CNTNAP2: variants seen among roughly 807,000 people sequenced by gnomAD.
The protein encoded by CNTNAP2 is contactin-associated protein-like 2.
Under a neutral mutation model 155.2 loss-of-function variants are expected in CNTNAP2, and 98 were observed. That is an observed-to-expected ratio of 0.63 (90% CI 0.54 to 0.75). The LOEUF (loss-of-function observed/expected upper bound fraction) is 0.75. CNTNAP2 is among the 30% of genes least tolerant of loss of function. CNTNAP2 has a pLI of 0.00. For missense variants in CNTNAP2, 1,727 were observed against 1,688.1 expected, an observed-to-expected ratio of 1.02 and a Z score of -0.40; for synonymous variants, 651 against 631.2, an observed-to-expected ratio of 1.03 and a Z score of -0.47.
intron 16 of CNTNAP2, among the ~76,000 whole-genome samples, chr7:148,140,060 A>G (rs1805029303): frequency 6.6e-6 from 1 of 152,218 alleles, no homozygotes; most frequent in African/African-American, 2.4e-5. Context: ...CTCATGCTGC[A>G]TTATGGGTGA....
rs1796653775 is a variant in CNTNAP2, at chr7:147,726,985, G to A, written c.2098+87679G>A. On this transcript the variant is annotated intron_variant, in intron 13 of 23. Coordinates refer to ENST00000361727, the MANE Select transcript of CNTNAP2 (RefSeq NM_014141.6). ...TTTGCTGTTTCACTGTTACAGTAAT[G>A]CTAGTGTGTAGACATACATATGCGT... 2.0e-5 allele frequency among the ~76,000 whole-genome samples: 3 copies of A among 150,944 alleles called. No homozygotes were observed. In the South Asian group the frequency reaches 6.3e-4, roughly 32 times the overall value.
At chr7:148,145,421 C>T (rs981116719) in intron 16 of CNTNAP2, among the ~76,000 whole-genome samples, 2 of 152,148 alleles carry the variant, frequency 1.3e-5, no homozygotes, top group East Asian at 3.9e-4. Flanking sequence ...GACCTGGACA[C>T]GAATTCATCA....
chr7:146,137,822 T>G (rs2116750499), intron 1 of CNTNAP2, among the ~76,000 whole-genome samples: 1 of 151,984 alleles, frequency 6.6e-6, no homozygotes, highest in Non-Finnish European at 1.5e-5. Flanking sequence ...TAATTTAAAA[T>G]TATTCTTTTA....
At chr7:146,692,126 C>G (rs1189636393) in intron 1 of CNTNAP2, among the ~76,000 whole-genome samples, 2 of 152,080 alleles carry the variant, frequency 1.3e-5, no homozygotes, top group Non-Finnish European at 1.5e-5. Flanking sequence ...TTTTTCATCT[C>G]TAGTTACTGT....
At chr7:146,557,569 A>C (rs1008242818) in intron 1 of CNTNAP2, among the ~76,000 whole-genome samples, 4 of 152,102 alleles carry the variant, frequency 2.6e-5, no homozygotes, top group Non-Finnish European at 4.4e-5. Flanking sequence ...TAAGTCATAC[A>C]GGTTAGAATT....
chr7:147,376,724 T>C (rs1292352050), intron 9 of CNTNAP2, among the ~76,000 whole-genome samples: 1 of 151,884 alleles, frequency 6.6e-6, no homozygotes, highest in Non-Finnish European at 1.5e-5. Flanking sequence ...TCCTCTATTT[T>C]AGAGGTAAGA....
chr7:146,928,336 C>A (rs1179366932), intron 3 of CNTNAP2, among the ~76,000 whole-genome samples: 2 of 152,090 alleles, frequency 1.3e-5, no homozygotes, highest in African/African-American at 2.4e-5. Context: ...GTGTAATTTT[C>A]TAAGCACTGT....
Position 148,075,929 on chromosome 7 carries a change from G to A in CNTNAP2, c.2384-42189G>A, listed in dbSNP as rs116067871. Among the ~76,000 whole-genome samples the A allele has an allele frequency of 2.0e-3, 302 of 152,224 alleles. 2 individuals carry two copies. Among genetic ancestry groups the A allele is most frequent in the African/African-American group, 6.1e-3 (253 of 41,554 alleles). ...ATTTGGAAGAGTTTGGTGATGAGTC[G>A]AAAGTAGCCTGTATGTCTCTGAATT... On this transcript the variant is annotated intron_variant, in intron 15 of 23. Coordinates refer to ENST00000361727, the MANE Select transcript of CNTNAP2 (RefSeq NM_014141.6).
At chr7:146,680,822 A>G (rs1418666284) in intron 1 of CNTNAP2, among the ~76,000 whole-genome samples, 1 of 152,208 alleles carries the variant, frequency 6.6e-6, no homozygotes, top group African/African-American at 2.4e-5. Flanking sequence ...TCACTGATCC[A>G]TGGGCCTGTA....
intron 21 of CNTNAP2, among the ~76,000 whole-genome samples, chr7:148,269,983 G>A (rs1231447084): frequency 2.0e-5 from 3 of 152,104 alleles, no homozygotes; most frequent in African/African-American, 7.2e-5. Flanking sequence ...AAACATACCC[G>A]AAAATAATAG....
intron 14 of CNTNAP2, among the ~76,000 whole-genome samples, chr7:147,924,137 TC>T (rs753177674): frequency 2.8e-5 from 2 of 70,648 alleles, no homozygotes; most frequent in Non-Finnish European, 5.1e-5. Flanking sequence ...TCTTTTCTTT[TC>T]TTTTCTTTTT....
chr7:147,421,280 A>C (rs907396992), intron 10 of CNTNAP2, among the ~76,000 whole-genome samples: 1 of 152,014 alleles, frequency 6.6e-6, no homozygotes, highest in Non-Finnish European at 1.5e-5. Context: ...ACTCAGCCAT[A>C]TATATATAAA....
intron 15 of CNTNAP2, among the ~76,000 whole-genome samples, chr7:148,083,796 C>T (rs1274158558): frequency 6.6e-6 from 1 of 152,178 alleles, no homozygotes; most frequent in Non-Finnish European, 1.5e-5. Flanking sequence ...AATACAATTA[C>T]TTAATGAATA....
chr7:147,232,009 T>C (rs1476381882), intron 8 of CNTNAP2, among the ~76,000 whole-genome samples: 1 of 152,170 alleles, frequency 6.6e-6, no homozygotes, highest in East Asian at 1.9e-4. Flanking sequence ...TACAAATCAG[T>C]TGCATTTTTA....
chr7:147,397,773 T>C (rs1487155279), intron 10 of CNTNAP2, among the ~76,000 whole-genome samples: 1 of 150,672 alleles, frequency 6.6e-6, no homozygotes. Context: ...ACACAAAATT[T>C]TTTTTTTTTT....
In CNTNAP2 at chr7:147,108,131, T is replaced by C; in HGVS notation, c.551-16T>C. ...TACATGGCTGAACTAATATGTTATTTTTTTTTTTGTTTTAGGGGCTGATGT... is the reference window on the plus strand; with the variant it reads ...TACATGGCTGAACTAATATGTTATTCTTTTTTTTGTTTTAGGGGCTGATGT... On this transcript the variant is annotated splice_polypyrimidine_tract_variant and intron_variant, in intron 4 of 23. Transcript: ENST00000361727. 6.3e-7 allele frequency: 1 copy of C among 1,580,038 alleles called. No individual in the cohort carries two copies. The highest frequency in any genetic ancestry group is 8.6e-7 in the Non-Finnish European group (1 of 1,165,410).
At chr7:146,439,169 G>A (rs1453703999) in intron 1 of CNTNAP2, among the ~76,000 whole-genome samples, 2 of 151,126 alleles carry the variant, frequency 1.3e-5, no homozygotes, top group African/African-American at 4.9e-5. Context: ...CCAGAGAAGG[G>A]GACTATGTAT....
intron 1 of CNTNAP2, among the ~76,000 whole-genome samples, chr7:146,329,039 C>A (rs1429802750): frequency 6.6e-6 from 1 of 152,120 alleles, no homozygotes; most frequent in Non-Finnish European, 1.5e-5. Context: ...TTTCTTTTGA[C>A]CATATACCCA....
intron 3 of CNTNAP2, among the ~76,000 whole-genome samples, chr7:146,910,965 A>G (rs1796261787): frequency 6.6e-6 from 1 of 151,232 alleles, no homozygotes; most frequent in African/African-American, 2.5e-5. Flanking sequence ...ACAAGAAAAA[A>G]ACAAACAACC....
Sources: allele counts gnomAD v4.1 joint callset (sites outside exome capture counted in the v4.1 genomes callset), GRCh38; gene constraint gnomAD v4.1.1; transcripts MANE v1.5; gene names NCBI Gene and HGNC (gene_info 2026-07-23, HGNC 2026-07-21).